The following KIF1B variants were observed in gnomAD, a reference collection of about 807,000 sequenced individuals.
KIF1B encodes the protein kinesin-like protein KIF1B.
KIF1B carries 76 observed loss-of-function variants against 241.9 expected under a neutral mutation model. The ratio of observed to expected loss-of-function variants is 0.31; its 90% CI spans 0.26 to 0.38. The LOEUF (loss-of-function observed/expected upper bound fraction) is 0.38, where lower values mean the gene tolerates loss of function less well. KIF1B is among the 10% of genes least tolerant of loss of function. The pLI is 1.00. For missense variants in KIF1B, 1,622 were observed against 2,271.4 expected (o/e 0.71, Z 5.81); for synonymous variants, 750 against 796.7 (o/e 0.94, Z 0.99).
chr1:10,217,249 C>T (rs556755607), intron 1 of KIF1B, among the ~76,000 whole-genome samples: 100 of 151,714 alleles, frequency 6.6e-4, no homozygotes, highest in Non-Finnish European at 1.1e-3. Context: ...GTTGGGATTA[C>T]GGGCGTGACC....
intron 4 of KIF1B, among the ~76,000 whole-genome samples, chr1:10,260,485 C>A (rs966587310): frequency 1.3e-5 from 2 of 152,148 alleles, no homozygotes; most frequent in African/African-American, 4.8e-5. Flanking sequence ...CAATAATTAA[C>A]CTTAGTTAAA....
intron 22 of KIF1B, among the ~76,000 whole-genome samples, chr1:10,311,295 A>G (rs992257914): frequency 1.3e-5 from 2 of 149,858 alleles, no homozygotes; most frequent in Non-Finnish European, 2.9e-5. Flanking sequence ...GCTTACTGCA[A>G]CCTCTACCTT....
At chr1:10,247,938 G>A (rs1233989413) in intron 2 of KIF1B, among the ~76,000 whole-genome samples, 1 of 152,140 alleles carries the variant, frequency 6.6e-6, no homozygotes, top group Non-Finnish European at 1.5e-5. Flanking sequence ...TCCCTCACAT[G>A]TGCAGTTCAC....
intron 2 of KIF1B, among the ~76,000 whole-genome samples, chr1:10,253,009 G>A (rs1379695516): frequency 6.6e-6 from 1 of 152,150 alleles, no homozygotes; most frequent in East Asian, 1.9e-4. Context: ...ACAGATGTGA[G>A]CCACTGTGCC....
At chr1:10,359,148 G>C (rs1484067059) in intron 38 of KIF1B, among the ~76,000 whole-genome samples, 1 of 152,216 alleles carries the variant, frequency 6.6e-6, no homozygotes, top group Admixed American at 6.5e-5. Flanking sequence ...TCTCTCTGTT[G>C]ATCGTTTCTG....
At chr1:10,297,125 T>A in intron 21 of KIF1B, 48 bp downstream of exon 21, 1 of 1,612,138 alleles carries the variant, frequency 6.2e-7, no homozygotes, top group Non-Finnish European at 8.5e-7. Flanking sequence ...CTTTTAAACA[T>A]GTAATACTAA....
intron 5 of KIF1B, among the ~76,000 whole-genome samples, chr1:10,263,447 G>A (rs1231300880): frequency 6.6e-6 from 1 of 151,674 alleles, no homozygotes; most frequent in Non-Finnish European, 1.5e-5. Flanking sequence ...AAAATAGGCT[G>A]CCTTTTAAGC....
intron 21 of KIF1B, 26 bp from the exon 22 acceptor site, chr1:10,297,148 A>ATTTT (rs58344165): frequency 2.0e-5 from 31 of 1,535,970 alleles, no homozygotes; most frequent in East Asian, 6.8e-5. Flanking sequence ...GCATTCTTGA[A>ATTTT]TTTTTTTTTT....
In KIF1B at chr1:10,219,189, C is replaced by T. The variant is rs535381100; in HGVS notation, c.-80+8311C>T. 1.1e-3 allele frequency among the ~76,000 whole-genome samples: 174 copies of T among 152,224 alleles called. 1 individual carries two copies. The highest frequency in any genetic ancestry group is 1.9e-3 in the Non-Finnish European group (130 of 68,006). ...ATATAAAGATACGTACGGCCGGGCG[C>T]GGTGGCTCATGCCTGTAATCCCAGC... On this transcript the variant is annotated intron_variant, in intron 1 of 48. Transcript: ENST00000676179.
intron 4 of KIF1B, among the ~76,000 whole-genome samples, chr1:10,260,502 TAA>T (rs2102190999): frequency 6.6e-6 from 1 of 152,336 alleles, no homozygotes; most frequent in African/African-American, 2.4e-5. Context: ...TAAATTACTA[TAA>T]CTTTTTTACT....
intron 20 of KIF1B, 75 bp downstream of exon 20, chr1:10,296,740 T>A: frequency 6.8e-7 from 1 of 1,464,556 alleles, no homozygotes; most frequent in Non-Finnish European, 9.5e-7. Flanking sequence ...TTTGGCTGTT[T>A]AAAGGCTGAA....
chr1:10,375,807 T>A (rs1255121230), intron 48 of KIF1B, among the ~76,000 whole-genome samples: 2 of 143,184 alleles, frequency 1.4e-5, no homozygotes, highest in Non-Finnish European at 3.0e-5. Context: ...TTTTTTTTTT[T>A]TTTGAGATGG....
chr1:10,316,448 C>T (rs1651309307), intron 22 of KIF1B, among the ~76,000 whole-genome samples: 1 of 151,440 alleles, frequency 6.6e-6, no homozygotes, highest in African/African-American at 2.5e-5. Context: ...TATGCATATC[C>T]TGTTTCCCAT....
intron 1 of KIF1B, among the ~76,000 whole-genome samples, chr1:10,221,246 T>C (rs1646841718): frequency 6.6e-6 from 1 of 151,834 alleles, no homozygotes; most frequent in East Asian, 1.9e-4. Context: ...TACAGGCATG[T>C]GCCACCACAC....
At chr1:10,287,910 T>C (rs1443983285) in intron 15 of KIF1B, among the ~76,000 whole-genome samples, 1 of 152,122 alleles carries the variant, frequency 6.6e-6, no homozygotes, top group Non-Finnish European at 1.5e-5. Context: ...TCAACAGTGG[T>C]TTATTGTGGT....
At chr1:10,240,449 C>G (rs1647120271) in intron 2 of KIF1B, among the ~76,000 whole-genome samples, 1 of 152,082 alleles carries the variant, frequency 6.6e-6, no homozygotes, top group South Asian at 2.1e-4. Context: ...CTCAAGTAAT[C>G]CACCTGTCTT....
chr1:10,370,616 C>A (rs1277541736), intron 44 of KIF1B, among the ~76,000 whole-genome samples: 1 of 137,144 alleles, frequency 7.3e-6, no homozygotes, highest in Non-Finnish European at 1.6e-5. Flanking sequence ...AAGAAGAAGA[C>A]ATAGCAAGAC....
chr1:10,352,560 T>G, intron 37 of KIF1B, 71 bp from the exon 38 acceptor site: 3 of 1,322,844 alleles, frequency 2.3e-6, no homozygotes, highest in Non-Finnish European at 3.3e-6. Flanking sequence ...AAAAGTCTCT[T>G]TTGGGCTTAA....
chr1:10,305,895 A>G, intron 22 of KIF1B: 1 of 1,053,204 alleles, frequency 9.5e-7, no homozygotes, highest in Non-Finnish European at 1.1e-6. Context: ...GATGTCCGAA[A>G]TTGCCTGACT....
Sources: allele counts gnomAD v4.1 joint callset (sites outside exome capture counted in the v4.1 genomes callset), GRCh38; gene constraint gnomAD v4.1.1; transcripts MANE v1.5; gene names NCBI Gene and HGNC (gene_info 2026-07-23, HGNC 2026-07-21).